HMGA2: variants seen among roughly 807,000 people sequenced by gnomAD.
HMGA2 encodes the protein high mobility group protein HMGI-C.
In HMGA2, 8 loss-of-function variants were observed where a neutral mutation model predicts 19.1. The observed-to-expected ratio is 0.42, with a 90% CI of 0.25 to 0.76. The LOEUF (loss-of-function observed/expected upper bound fraction) is 0.76. Ranked by LOEUF, HMGA2 falls within the 30% of genes least tolerant of loss-of-function variation. The probability of loss-of-function intolerance (pLI) is 0.28; values close to 1 mark genes in which losing one functional copy is unlikely to be tolerated. For synonymous variants in HMGA2, 60 were observed against 48.8 expected, an observed-to-expected ratio of 1.23 and a Z score of -0.96; for missense variants, 109 against 136.3, an observed-to-expected ratio of 0.80 and a Z score of 1.00.
intron 3 of HMGA2, among the ~76,000 whole-genome samples, chr12:65,887,118 G>A (rs1340322888): frequency 2.0e-5 from 3 of 152,066 alleles, no homozygotes; most frequent in African/African-American, 4.8e-5. Context: ...TTACACAAAC[G>A]CTGACTCCCC....
chr12:65,860,654 A>G (rs1421273781), intron 3 of HMGA2, among the ~76,000 whole-genome samples: 1 of 152,236 alleles, frequency 6.6e-6, no homozygotes, highest in Non-Finnish European at 1.5e-5. Context: ...TAGGCTACTC[A>G]GGTCATTCCC....
At chr12:65,833,382 C>G (rs540113565) in intron 2 of HMGA2, among the ~76,000 whole-genome samples, 1 of 150,178 alleles carries the variant, frequency 6.7e-6, no homozygotes, top group Admixed American at 6.6e-5. Context: ...GCAAACAAGA[C>G]AGGGCACCAT....
chr12:65,932,317 A>G (rs1041290896), intron 3 of HMGA2, among the ~76,000 whole-genome samples: 6 of 152,224 alleles, frequency 3.9e-5, no homozygotes, highest in Non-Finnish European at 1.5e-5. Flanking sequence ...GTCTCAAACT[A>G]CATTTATGAA....
At chr12:65,902,139 G>A (rs927027972) in intron 3 of HMGA2, among the ~76,000 whole-genome samples, 10 of 152,042 alleles carry the variant, frequency 6.6e-5, no homozygotes, top group African/African-American at 2.4e-4. Context: ...AATGTTTGCT[G>A]TAATATGGAT....
At chr12:65,904,996 C>T (rs146666259) in intron 3 of HMGA2, among the ~76,000 whole-genome samples, 2,059 of 151,678 alleles carry the variant, frequency 0.014, 21 homozygotes, top group Middle Eastern at 0.048. Flanking sequence ...GAGTCAAGAT[C>T]GCGCCACTGC....
intron 3 of HMGA2, among the ~76,000 whole-genome samples, chr12:65,862,409 C>G (rs1434928624): frequency 6.6e-6 from 1 of 152,054 alleles, no homozygotes; most frequent in Non-Finnish European, 1.5e-5. Flanking sequence ...ATAGTATTAT[C>G]AATTTTCTGC....
intron 4 of HMGA2, among the ~76,000 whole-genome samples, chr12:65,959,086 C>T (rs1056394625): frequency 9.2e-5 from 14 of 152,368 alleles, no homozygotes; most frequent in African/African-American, 3.4e-4. Flanking sequence ...TCTTCCAGCA[C>T]ACACCCTCAT....
chr12:65,880,196 G>T (rs554390291), intron 3 of HMGA2, among the ~76,000 whole-genome samples: 1 of 152,254 alleles, frequency 6.6e-6, no homozygotes, highest in South Asian at 2.1e-4. Context: ...ATTTTTCACG[G>T]GGAAAATCCT....
intron 3 of HMGA2, chr12:65,842,474 C>T: frequency 3.6e-6 from 3 of 829,596 alleles, no homozygotes; most frequent in South Asian, 3.3e-5. Flanking sequence ...GTCAGACTAA[C>T]CAAGTACCCT....
intron 3 of HMGA2, among the ~76,000 whole-genome samples, chr12:65,904,229 T>G (rs1281157303): frequency 6.6e-6 from 1 of 152,232 alleles, no homozygotes; most frequent in East Asian, 1.9e-4. Context: ...GGCATACTGC[T>G]TCCACCCAGT....
At chr12:65,881,858 C>T (rs1385125822) in intron 3 of HMGA2, 31 of 702,806 alleles carry the variant, frequency 4.4e-5, no homozygotes, top group South Asian at 3.0e-5. Context: ...CACTCTTTTC[C>T]CTTGCACTCA....
At chr12:65,868,308 G>A (rs928250533) in intron 3 of HMGA2, among the ~76,000 whole-genome samples, 1 of 151,936 alleles carries the variant, frequency 6.6e-6, no homozygotes, top group Admixed American at 6.6e-5. Context: ...CTTTGTTCTG[G>A]CTTCATTTTT....
At chr12:65,848,800 G>GGGA (rs1284657858) in intron 3 of HMGA2, among the ~76,000 whole-genome samples, 1 of 152,110 alleles carries the variant, frequency 6.6e-6, no homozygotes, top group Non-Finnish European at 1.5e-5. Flanking sequence ...AGCTTGCAGT[G>GGGA]AGCCGAGATT....
At chr12:65,854,246 T>C (rs1871617048) in intron 3 of HMGA2, among the ~76,000 whole-genome samples, 1 of 152,246 alleles carries the variant, frequency 6.6e-6, no homozygotes. Context: ...AAGGAACATT[T>C]TGATAGCCTT....
intron 3 of HMGA2, among the ~76,000 whole-genome samples, chr12:65,876,608 G>T (rs984014527): frequency 6.6e-6 from 1 of 152,076 alleles, no homozygotes; most frequent in African/African-American, 2.4e-5. Flanking sequence ...TATAAAGCAC[G>T]CAAAACAATT....
chr12:65,872,019 A>G (rs964547491), intron 3 of HMGA2, among the ~76,000 whole-genome samples: 2 of 152,126 alleles, frequency 1.3e-5, no homozygotes, highest in African/African-American at 4.8e-5. Flanking sequence ...TCCTTGTTAG[A>G]CTGAAGCCAG....
intron 2 of HMGA2, among the ~76,000 whole-genome samples, chr12:65,832,266 A>C (rs1215019068): frequency 6.6e-6 from 1 of 152,020 alleles, no homozygotes; most frequent in African/African-American, 2.4e-5. Flanking sequence ...ATCACAGATT[A>C]TGATCCAAAT....
chr12:65,848,833 G>A (rs1489730287), intron 3 of HMGA2, among the ~76,000 whole-genome samples: 3 of 151,880 alleles, frequency 2.0e-5, no homozygotes, highest in Admixed American at 2.0e-4. Flanking sequence ...TCCGCAGTCC[G>A]ACCTGGGCGA....
chr12:65,840,572 T>C (rs1436881392), intron 3 of HMGA2, among the ~76,000 whole-genome samples: 1 of 152,162 alleles, frequency 6.6e-6, no homozygotes, highest in Non-Finnish European at 1.5e-5. Flanking sequence ...TGCAAGGCCT[T>C]TTTTGCCTTA....
Sources: gnomAD v4.1 joint callset for allele counts (sites outside exome capture counted in the v4.1 genomes callset) on GRCh38, gnomAD v4.1.1 for gene constraint, MANE v1.5 for transcripts, NCBI Gene and HGNC (gene_info 2026-07-23, HGNC 2026-07-21) for gene names.